Variants in RECK observed in about 807,000 individuals in gnomAD.
RECK encodes reversion-inducing cysteine-rich protein with Kazal motifs.
A neutral mutation model predicts 115.1 loss-of-function variants in RECK; 69 were observed. The observed-to-expected ratio is 0.60, with a 90% confidence interval of 0.49 to 0.73. The LOEUF (loss-of-function observed/expected upper bound fraction) is 0.73, where lower values mean the gene tolerates loss of function less well. Ranked by LOEUF, RECK falls within the 30% of genes least tolerant of loss-of-function variation. The pLI, the probability that RECK is intolerant of heterozygous loss-of-function variation, is 0.00. For missense variants in RECK, 1,047 were observed against 1,203.7 expected (o/e 0.87, Z 1.93); for synonymous variants, 414 against 419.7 (o/e 0.99, Z 0.17).
At chr9:36,117,911 C>T (rs573523840) in intron 17 of RECK, among the ~76,000 whole-genome samples, 4 of 152,150 alleles carry the variant, frequency 2.6e-5, no homozygotes, top group South Asian at 2.1e-4. Flanking sequence ...ACCCGGGAGG[C>T]GGAAGTTGCA....
At chr9:36,100,210 T>C (rs1343115785) in intron 10 of RECK, 121 bp from the exon 11 acceptor site, 2 of 684,250 alleles carry the variant, frequency 2.9e-6, no homozygotes, top group East Asian at 5.4e-5. Flanking sequence ...TTTCATGGGT[T>C]GTATGTGCTT....
chr9:36,107,826 A>G, intron 13 of RECK, 150 bp from the exon 14 acceptor site: 1 of 599,344 alleles, frequency 1.7e-6, no homozygotes, highest in Non-Finnish European at 2.8e-6. Context: ...CCAATGAACC[A>G]AAGCAATTCC....
At chr9:36,051,714 A>G (rs896997172) in intron 1 of RECK, among the ~76,000 whole-genome samples, 15 of 152,070 alleles carry the variant, frequency 9.9e-5, no homozygotes, top group African/African-American at 3.6e-4. Context: ...AACTCTCCCT[A>G]GACAATATCA....
Position 36,105,163 on chromosome 9 carries a change from A to G in RECK, c.1456A>G (p.Ile486Val). The G allele has an allele frequency of 6.2e-7, 1 of 1,614,100 alleles. No homozygotes were observed. Among genetic ancestry groups the G allele is most frequent in the Non-Finnish European group, 8.5e-7 (1 of 1,179,980 alleles). The change falls in exon 13 of 21, where the codon ATT becomes GTT. Residue 486 changes from isoleucine (I) to valine (V), a missense_variant. Coordinates refer to ENST00000377966, the MANE Select transcript of RECK (RefSeq NM_021111.3). ...TTCAGGGCCAAGTACTTTAGGTAAC[A>G]TTGTAGAAGAAGTGACTCATCCCTG... ...TYLRPSTLGN[I>V]VEEVTHPCNP...
intron 13 of RECK, among the ~76,000 whole-genome samples, chr9:36,106,830 C>A (rs1823837962): frequency 6.6e-6 from 1 of 151,688 alleles, no homozygotes; most frequent in Non-Finnish European, 1.5e-5. Context: ...AGGGGCCGGG[C>A]GCAGTGGCTC....
intron 2 of RECK, 98 bp downstream of exon 2, chr9:36,052,421 C>T: frequency 1.2e-6 from 1 of 848,204 alleles, no homozygotes; most frequent in South Asian, 1.4e-5. Flanking sequence ...TTGCTTAAGG[C>T]CAGGGGTTCA....
At chr9:36,088,867 A>C (rs1465587889) in intron 9 of RECK, among the ~76,000 whole-genome samples, 1 of 152,204 alleles carries the variant, frequency 6.6e-6, no homozygotes, top group Non-Finnish European at 1.5e-5. Flanking sequence ...AAAAATATAC[A>C]AAATTTAGCG....
rs1348236348 is a variant in RECK, at chr9:36,106,176, C to G, written c.1576+893C>G. On this transcript the variant is annotated intron_variant, in intron 13 of 20. Coordinates refer to ENST00000377966, the MANE Select transcript of RECK (RefSeq NM_021111.3). ...AGTGAGCCAAGATCGCGCCACTGCA[C>G]TCCAGCCTGCCGGACAGAGCCAGAC... Among the ~76,000 whole-genome samples, 3 of 145,014 alleles carry G rather than the reference C, an allele frequency of 2.1e-5. No individual in the cohort carries two copies. The South Asian group carries it at 6.5e-4, about 32-fold the overall frequency.
intron 12 of RECK, among the ~76,000 whole-genome samples, chr9:36,104,319 TATATATA>T (rs1179319329): frequency 9.1e-5 from 6 of 66,220 alleles, no homozygotes; most frequent in African/African-American, 4.3e-4. Flanking sequence ...TATATATATA[TATATATA>T]TTTTTTTTTT....
At chr9:36,091,384 A>G (rs1324705109) in intron 10 of RECK, 41 bp downstream of exon 10, 1 of 1,325,914 alleles carries the variant, frequency 7.5e-7, no homozygotes, top group East Asian at 2.7e-5. Context: ...ATATTTTATC[A>G]TTAATTATAA....
At chr9:36,077,037 T>A (rs1268325204) in intron 6 of RECK, among the ~76,000 whole-genome samples, 1 of 152,180 alleles carries the variant, frequency 6.6e-6, no homozygotes, top group Non-Finnish European at 1.5e-5. Flanking sequence ...TGAGACCCTG[T>A]CAACTCCAGT....
At chr9:36,055,613 C>A (rs545309073) in intron 2 of RECK, among the ~76,000 whole-genome samples, 1 of 152,196 alleles carries the variant, frequency 6.6e-6, no homozygotes, top group African/African-American at 2.4e-5. Context: ...GGTCCCAAGC[C>A]AATTAGTTGA....
At chr9:36,063,661 T>C (rs537451146) in intron 4 of RECK, 134 bp from the exon 5 acceptor site, 2 of 672,770 alleles carry the variant, frequency 3.0e-6, no homozygotes, top group Non-Finnish European at 5.2e-6. Flanking sequence ...TTAATAATTT[T>C]GAGGCCCTGC....
chr9:36,100,140 G>A (rs74837051), intron 10 of RECK, among the ~76,000 whole-genome samples, 191 bp from the exon 11 acceptor site: 3,863 of 152,296 alleles, frequency 0.025, 177 homozygotes, highest in African/African-American at 0.086. Context: ...AAGAAAACAT[G>A]CAATCAGAGT....
intron 14 of RECK, 74 bp from the exon 15 acceptor site, chr9:36,109,883 C>A: frequency 5.4e-6 from 7 of 1,285,550 alleles, no homozygotes; most frequent in Admixed American, 2.0e-5. Context: ...ACTTGTTGAA[C>A]TATTAAAATT....
At position 36,118,898 on chromosome 9, in the gene RECK, G is replaced by T; in HGVS notation, c.2395G>T (p.Val799Phe). The change falls in exon 18 of 21, where the codon GTC becomes TTC. Residue 799 changes from valine (V) to phenylalanine (F), a missense_variant. Coordinates refer to ENST00000377966, the MANE Select transcript of RECK (RefSeq NM_021111.3). ...AVGVLSEHSS[V>F]AECASVKCPS... ...CGGAGTCCTCTCAGAGCACAGCTCC[G>T]TCGCCGAGTGTGCTTCTGTCAAGTG... 1 of 1,613,754 alleles carries T rather than the reference G, an allele frequency of 6.2e-7. No homozygotes were observed. The highest frequency in any genetic ancestry group is 8.5e-7 in the Non-Finnish European group (1 of 1,180,030).
At chr9:36,121,317 A>G (rs1824451811) in intron 19 of RECK, among the ~76,000 whole-genome samples, 1 of 152,166 alleles carries the variant, frequency 6.6e-6, no homozygotes, top group Non-Finnish European at 1.5e-5. Flanking sequence ...GTTCTGGTGA[A>G]AGTATGTATC....
chr9:36,089,953 A>G lies in RECK; in HGVS notation c.906-1211A>G, dbSNP rs554937951. Among the ~76,000 whole-genome samples, 20 of 139,260 alleles carry G rather than the reference A, an allele frequency of 1.4e-4. 1 individual carries two copies. In the South Asian group the frequency reaches 3.1e-3, roughly 22 times the overall value. 91.4% of individuals were successfully genotyped at this position (139,260 alleles called of 152,430 possible). On this transcript the variant is annotated intron_variant, in intron 9 of 20. Transcript: ENST00000377966. ...AGCCTGGTCAACATGGCAAAACCCC[A>G]TCTCTACTAAAAATACACACACACA...
intron 9 of RECK, among the ~76,000 whole-genome samples, chr9:36,090,055 C>A (rs752091990): frequency 1.3e-5 from 2 of 151,836 alleles, no homozygotes; most frequent in Non-Finnish European, 2.9e-5. Context: ...GCTTGGGAGG[C>A]TGAGGCACTA....
Sources: allele counts gnomAD v4.1 joint callset (sites outside exome capture counted in the v4.1 genomes callset), GRCh38; gene constraint gnomAD v4.1.1; transcripts MANE v1.5; gene names NCBI Gene and HGNC (gene_info 2026-07-23, HGNC 2026-07-21).